SAMD4A: variants seen among roughly 807,000 people sequenced by gnomAD.
SAMD4A encodes the protein protein Smaug homolog 1.
A neutral mutation model predicts 81.3 loss-of-function variants in SAMD4A; 33 were observed. That is an observed-to-expected ratio of 0.41 (90% confidence interval 0.31 to 0.54). SAMD4A has a LOEUF of 0.54. Ranked by LOEUF, SAMD4A falls within the 20% of genes least tolerant of loss-of-function variation. SAMD4A has a pLI of 0.37. For missense variants in SAMD4A, 854 were observed against 951.1 expected (o/e 0.90, Z 1.34); for synonymous variants, 389 against 382.1 (o/e 1.02, Z -0.21).
intron 3 of SAMD4A, among the ~76,000 whole-genome samples, chr14:54,718,705 T>G (rs927858137): frequency 6.6e-6 from 1 of 152,024 alleles, no homozygotes; most frequent in Admixed American, 6.6e-5. Context: ...AGAGTTCCCT[T>G]AAGAATCCTG....
chr14:54,670,235 G>A (rs942827749), intron 2 of SAMD4A, among the ~76,000 whole-genome samples: 8 of 152,154 alleles, frequency 5.3e-5, no homozygotes, highest in East Asian at 1.9e-4. Context: ...TGTGATCGCC[G>A]TCCAGTCTGT....
In SAMD4A at chr14:54,702,334, A is replaced by C. The variant is rs778130983; in HGVS notation, c.469A>C (p.Ser157Arg). ...TCACTTGGAGGACCGCACGTCGACC[A>C]GCTTTGGTGGCCAGAACCGAGGCCG... ...LNHLEDRTSTSFGGQNRGRSD... is the reference protein window; with the variant it reads ...LNHLEDRTSTRFGGQNRGRSD... Residue 157 changes from serine (S) to arginine (R), a missense_variant, in exon 3 of 13, where the codon AGC (serine) becomes CGC (arginine). By Grantham distance (110) the Ser-to-Arg change is moderately radical. Around this residue, in one of 3 missense-constraint regions of SAMD4A, gnomAD observed 387 missense variants for 405.8 expected, o/e 0.95. Coordinates refer to ENST00000554335, the MANE Select transcript of SAMD4A (RefSeq NM_015589.6). The C allele has an allele frequency of 6.9e-5, 111 of 1,614,072 alleles. No individual in the cohort carries two copies. Among genetic ancestry groups the C allele is most frequent in the Non-Finnish European group, 9.1e-5 (107 of 1,180,018 alleles).
chr14:54,595,147 C>T (rs978111390), intron 2 of SAMD4A, among the ~76,000 whole-genome samples: 45 of 152,064 alleles, frequency 3.0e-4, no homozygotes, highest in African/African-American at 8.2e-4. Flanking sequence ...TTCCATCTGA[C>T]GACATCTCTC....
At chr14:54,605,486 A>G (rs1208215309) in intron 2 of SAMD4A, among the ~76,000 whole-genome samples, 1 of 152,164 alleles carries the variant, frequency 6.6e-6, no homozygotes, top group Admixed American at 6.5e-5. Context: ...TGAAAAGCAA[A>G]GTTTTGGAAG....
chr14:54,592,421 A>C (rs953823829), intron 2 of SAMD4A, among the ~76,000 whole-genome samples: 5 of 151,932 alleles, frequency 3.3e-5, no homozygotes, highest in Non-Finnish European at 7.4e-5. Context: ...CATTTTGCTT[A>C]TTACCGAAGT....
intron 2 of SAMD4A, chr14:54,685,856 G>A (rs760768700): frequency 3.1e-5 from 14 of 456,700 alleles, no homozygotes; most frequent in South Asian, 2.2e-4. Flanking sequence ...AGGAAGTGGT[G>A]TCAGATCAGC....
intron 2 of SAMD4A, among the ~76,000 whole-genome samples, chr14:54,663,216 C>T (rs1159994662): frequency 6.6e-6 from 1 of 152,174 alleles, no homozygotes; most frequent in Non-Finnish European, 1.5e-5. Context: ...AATATACCAT[C>T]CCTCACAGAT....
Position 54,567,778 on chromosome 14 carries a change from G to A in SAMD4A, c.-139G>A, listed in dbSNP as rs1388372741. The A allele has an allele frequency of 1.7e-5, 14 of 805,514 alleles. No individual in the cohort carries two copies. The highest frequency in any genetic ancestry group is 2.5e-5 in the Non-Finnish European group (13 of 529,342). 49.9% of individuals were successfully genotyped at this position (805,514 alleles called of 1,614,324 possible). Reference sequence around the variant, plus strand: ...AGAGGCAGGAGCCCAGGCAGTACCTGCAGCGTCCGGGCACCAGAGCCACCT... The same window carrying A: ...AGAGGCAGGAGCCCAGGCAGTACCTACAGCGTCCGGGCACCAGAGCCACCT... On this transcript the variant is annotated 5_prime_UTR_variant, in exon 2 of 13. Coordinates refer to ENST00000554335, the MANE Select transcript of SAMD4A (RefSeq NM_015589.6).
At chr14:54,665,144 T>C (rs1298621767) in intron 2 of SAMD4A, among the ~76,000 whole-genome samples, 5 of 152,228 alleles carry the variant, frequency 3.3e-5, no homozygotes, top group African/African-American at 7.2e-5. Context: ...CAGAGGTATT[T>C]GAGAACCCTC....
chr14:54,721,519 TCTTA>T (rs2037261535), intron 3 of SAMD4A, among the ~76,000 whole-genome samples: 1 of 152,192 alleles, frequency 6.6e-6, no homozygotes, highest in Non-Finnish European at 1.5e-5. Flanking sequence ...CTCTTCAAGC[TCTTA>T]CTTTTCTTGA....
Position 54,791,347 on chromosome 14 carries a change from G to A in SAMD4A, c.*2403G>A, listed in dbSNP as rs2140008043. The A allele has an allele frequency of 6.6e-6, 1 of 152,296 alleles. No individual in the cohort carries two copies. Among genetic ancestry groups the A allele is most frequent in the East Asian group, 1.9e-4 (1 of 5,188 alleles). 9.4% of individuals were successfully genotyped at this position (152,296 alleles called of 1,614,324 possible). A position where few individuals can be genotyped will look rare whatever the true frequency, so the allele number is the denominator to read the frequency against. ...CTGCAAAAACACATATATCCATAAA[G>A]ACTCATGTTATTCAGAAAACAGATT... On this transcript the variant is annotated 3_prime_UTR_variant, in exon 13 of 13. Coordinates refer to ENST00000554335, the MANE Select transcript of SAMD4A (RefSeq NM_015589.6).
intron 11 of SAMD4A, 139 bp from the exon 12 acceptor site, chr14:54,784,398 T>G: frequency 6.3e-7 from 1 of 1,587,340 alleles, no homozygotes; most frequent in East Asian, 2.3e-5. Context: ...TGAGCCTGAG[T>G]GGAGCCCCTT....
intron 11 of SAMD4A, among the ~76,000 whole-genome samples, chr14:54,782,683 C>T (rs957374737): frequency 2.0e-5 from 3 of 152,224 alleles, no homozygotes; most frequent in African/African-American, 2.4e-5. Context: ...CTTTCCATAG[C>T]GTTCCTTTTT....
rs146881541 is a variant in SAMD4A, at chr14:54,708,626, A to G, written c.715+6046A>G. Among the ~76,000 whole-genome samples, 299 of 152,320 alleles carry G rather than the reference A, an allele frequency of 2.0e-3. 1 individual carries two copies. The highest frequency in any genetic ancestry group is 4.1e-3 in the South Asian group (20 of 4,824). On this transcript the variant is annotated intron_variant, in intron 3 of 12. Coordinates refer to ENST00000554335, the MANE Select transcript of SAMD4A (RefSeq NM_015589.6). ...CTGGAGAAAAGCAGGGGAAGTAGTA[A>G]AAGAAACTAAGGAGAAACCCTTGAG...
chr14:54,665,357 C>T (rs1456795802), intron 2 of SAMD4A, among the ~76,000 whole-genome samples: 1 of 152,134 alleles, frequency 6.6e-6, no homozygotes, highest in African/African-American at 2.4e-5. Flanking sequence ...AATCCACCCA[C>T]CTCCAATAAA....
At chr14:54,668,442 TA>T (rs2035801260) in intron 2 of SAMD4A, among the ~76,000 whole-genome samples, 1 of 152,180 alleles carries the variant, frequency 6.6e-6, no homozygotes, top group African/African-American at 2.4e-5. Context: ...CAAGATCCCC[TA>T]AAAGGATCTT....
intron 2 of SAMD4A, among the ~76,000 whole-genome samples, chr14:54,628,073 T>G (rs1265361307): frequency 1.3e-5 from 2 of 152,156 alleles, no homozygotes; most frequent in African/African-American, 2.4e-5. Flanking sequence ...GTCTCGGGCC[T>G]TGAAATTCCA....
intron 4 of SAMD4A, among the ~76,000 whole-genome samples, chr14:54,747,934 C>A (rs549146449): frequency 6.6e-6 from 1 of 152,314 alleles, no homozygotes; most frequent in Admixed American, 6.5e-5. Context: ...TTTTATTTAA[C>A]AAGGTAATAG....
At chr14:54,607,038 C>G (rs1029320434) in intron 2 of SAMD4A, among the ~76,000 whole-genome samples, 2 of 152,170 alleles carry the variant, frequency 1.3e-5, no homozygotes, top group Non-Finnish European at 2.9e-5. Context: ...GAACATGAGG[C>G]CTTGGCCGAA....
Sources: allele counts gnomAD v4.1 joint callset (sites outside exome capture counted in the v4.1 genomes callset), GRCh38; gene constraint gnomAD v4.1.1; regional missense constraint gnomAD v4.1.1; transcripts MANE v1.5; gene names NCBI Gene and HGNC (gene_info 2026-07-23, HGNC 2026-07-21).